BABAM2: variants seen among roughly 807,000 people sequenced by gnomAD.
BABAM2 encodes BRISC and BRCA1 A complex member 2, also known as BRISC and BRCA1-A complex member 2.
A neutral mutation model predicts 54.7 loss-of-function variants in BABAM2; 31 were observed. The observed-to-expected ratio is 0.57, with a 90% CI of 0.43 to 0.77. The LOEUF (loss-of-function observed/expected upper bound fraction) is 0.77, where lower values mean the gene tolerates loss of function less well. Among genes scored for constraint, BABAM2 ranks in the 30% least tolerant of loss-of-function variants. BABAM2 has a pLI of 0.00. For synonymous variants in BABAM2, 167 were observed against 162.9 expected (o/e 1.03, Z -0.19); for missense variants, 364 against 455.8 (o/e 0.80, Z 1.83).
intron 6 of BABAM2, among the ~76,000 whole-genome samples, chr2:28,100,409 G>A (rs187072510): frequency 4.9e-5 from 7 of 141,578 alleles, no homozygotes; most frequent in East Asian, 2.1e-4. Flanking sequence ...GCAGTGAGAC[G>A]AGACCGTGCC....
chr2:28,138,815 C>G (rs908258512), intron 7 of BABAM2, among the ~76,000 whole-genome samples: 5 of 152,118 alleles, frequency 3.3e-5, no homozygotes, highest in African/African-American at 1.2e-4. Context: ...TGTGTGTCGT[C>G]TCTCATGTTC....
chr2:28,286,139 A>G (rs1404975440), intron 10 of BABAM2, among the ~76,000 whole-genome samples: 2 of 151,864 alleles, frequency 1.3e-5, no homozygotes, highest in Admixed American at 1.3e-4. Flanking sequence ...TATTTTTATT[A>G]GAAACAGGGT....
chr2:28,210,721 G>C (rs535508710), intron 7 of BABAM2, among the ~76,000 whole-genome samples: 1 of 152,324 alleles, frequency 6.6e-6, no homozygotes, highest in Admixed American at 6.5e-5. Context: ...GAAGGTCCTG[G>C]ATTAGGTGTT....
chr2:27,976,101 G>A lies in BABAM2; in HGVS notation c.206-11892G>A, dbSNP rs757359300. Among the ~76,000 whole-genome samples, 94 of 152,086 alleles carry A rather than the reference G, an allele frequency of 6.2e-4. 1 individual carries two copies. Among genetic ancestry groups the A allele is most frequent in the Non-Finnish European group, 1.9e-4 (13 of 67,948 alleles). On this transcript the variant is annotated intron_variant, in intron 3 of 11. Transcript: ENST00000379624. Reference sequence around the variant, plus strand: ...TGTGTAGAAACTGGAACTCTCATGCGTTGTTGGTTTGCTAAATGTAATAGT... The same window carrying A: ...TGTGTAGAAACTGGAACTCTCATGCATTGTTGGTTTGCTAAATGTAATAGT...
At chr2:27,892,097 A>G (rs771229699) in intron 1 of BABAM2, among the ~76,000 whole-genome samples, 1 of 152,218 alleles carries the variant, frequency 6.6e-6, no homozygotes, top group Non-Finnish European at 1.5e-5. Context: ...GAAGTTATCA[A>G]TGTTTATTTG....
intron 11 of BABAM2, among the ~76,000 whole-genome samples, chr2:28,318,716 G>A (rs994989542): frequency 6.5e-4 from 99 of 152,184 alleles, no homozygotes; most frequent in African/African-American, 2.3e-3. Context: ...TTGTTTATTG[G>A]TCTAATGGCT....
At chr2:27,993,937 A>T in intron 4 of BABAM2, among the ~76,000 whole-genome samples, 1 of 152,248 alleles carries the variant, frequency 6.6e-6, no homozygotes, top group East Asian at 1.9e-4. Context: ...CAAAGAATGC[A>T]CTAAGCTGAA....
At chr2:28,163,707 A>G (rs1041653399) in intron 7 of BABAM2, among the ~76,000 whole-genome samples, 8 of 152,224 alleles carry the variant, frequency 5.3e-5, no homozygotes, top group Non-Finnish European at 1.5e-5. Context: ...CCATCTTAAC[A>G]CAATGTACTC....
intron 2 of BABAM2, among the ~76,000 whole-genome samples, chr2:27,898,307 C>T (rs1665504013): frequency 6.6e-6 from 1 of 152,144 alleles, no homozygotes; most frequent in Non-Finnish European, 1.5e-5. Flanking sequence ...CTGGACCTAG[C>T]CTATCTTGCA....
chr2:27,902,505 T>A (rs1665864013), intron 2 of BABAM2, among the ~76,000 whole-genome samples: 1 of 152,216 alleles, frequency 6.6e-6, no homozygotes, highest in Non-Finnish European at 1.5e-5. Context: ...TTTCCTTCCA[T>A]CAGAAATGAG....
At chr2:28,215,695 C>T (rs890178355) in intron 7 of BABAM2, among the ~76,000 whole-genome samples, 9 of 152,086 alleles carry the variant, frequency 5.9e-5, no homozygotes, top group Non-Finnish European at 1.3e-4. Context: ...ACCCATTTCC[C>T]TCTGTCTTTC....
intron 6 of BABAM2, among the ~76,000 whole-genome samples, chr2:28,086,311 T>A (rs751846287): frequency 3.5e-4 from 53 of 152,316 alleles, no homozygotes; most frequent in Non-Finnish European, 5.4e-4. Flanking sequence ...AAAATATAAA[T>A]AATTTGTCTT....
intron 10 of BABAM2, among the ~76,000 whole-genome samples, chr2:28,245,927 T>G (rs1429862531): frequency 2.6e-5 from 4 of 152,184 alleles, no homozygotes; most frequent in Non-Finnish European, 4.4e-5. Context: ...TTTTTCTATC[T>G]GATTACACAC....
chr2:28,041,463 TG>T (rs1257776337), intron 5 of BABAM2, among the ~76,000 whole-genome samples: 2 of 152,358 alleles, frequency 1.3e-5, no homozygotes, highest in Admixed American at 6.5e-5. Context: ...ACTTCACAGT[TG>T]TTCCACATAG....
chr2:28,303,990 T>TG (rs1219125393), intron 11 of BABAM2, among the ~76,000 whole-genome samples: 2 of 152,140 alleles, frequency 1.3e-5, no homozygotes, highest in Non-Finnish European at 2.9e-5. Flanking sequence ...AAAAGATTCT[T>TG]GTGCCTCAGC....
intron 2 of BABAM2, among the ~76,000 whole-genome samples, chr2:27,906,376 G>A (rs879453076): frequency 6.6e-6 from 1 of 152,162 alleles, no homozygotes; most frequent in Non-Finnish European, 1.5e-5. Flanking sequence ...TTAGCTGCCT[G>A]TCTAGACTTT....
intron 6 of BABAM2, among the ~76,000 whole-genome samples, chr2:28,102,407 C>T (rs1255354992): frequency 1.3e-5 from 2 of 152,044 alleles, no homozygotes; most frequent in Admixed American, 1.3e-4. Context: ...ATTTTAATAC[C>T]ATTTAAGAGT....
At chr2:27,953,947 G>A (rs1669918486) in intron 3 of BABAM2, among the ~76,000 whole-genome samples, 1 of 152,096 alleles carries the variant, frequency 6.6e-6, no homozygotes, top group Non-Finnish European at 1.5e-5. Context: ...AGAAAGAGAA[G>A]GAGATTAAAA....
Position 28,112,151 on chromosome 2 carries a change from C to T in BABAM2, c.571-17120C>T, listed in dbSNP as rs867170405. On this transcript the variant is annotated intron_variant, in intron 6 of 11. Transcript: ENST00000379624. ...TTTCTTTCTTTCTTTCTTTCTTTACCTCCCTCCCTCCCTCCCTCCCTCCCT... is the reference window on the plus strand; with the variant it reads ...TTTCTTTCTTTCTTTCTTTCTTTACTTCCCTCCCTCCCTCCCTCCCTCCCT... 4.0e-3 allele frequency among the ~76,000 whole-genome samples: 78 copies of T among 19,606 alleles called. 5 individuals are homozygous for T. The highest frequency in any genetic ancestry group is 0.029 in the Middle Eastern group (1 of 34). 12.9% of individuals were successfully genotyped at this position (19,606 alleles called of 152,430 possible). A position where few individuals can be genotyped will look rare whatever the true frequency, so the allele number is the denominator to read the frequency against.
Sources: gnomAD v4.1 joint callset for allele counts (sites outside exome capture counted in the v4.1 genomes callset) on GRCh38, gnomAD v4.1.1 for gene constraint, MANE v1.5 for transcripts, NCBI Gene and HGNC (gene_info 2026-07-23, HGNC 2026-07-21) for gene names.